EDA: variants seen among roughly 807,000 people sequenced by gnomAD.
The protein encoded by EDA is ectodysplasin-A.
EDA carries 2 observed loss-of-function variants against 23.6 expected under a neutral mutation model. The ratio of observed to expected loss-of-function variants is 0.08; its 90% CI spans 0.03 to 0.27. The LOEUF (loss-of-function observed/expected upper bound fraction) is 0.27. Among genes scored for constraint, EDA ranks in the 10% least tolerant of loss-of-function variants. The pLI is 1.00. For synonymous variants in EDA, 131 were observed against 132.0 expected, an observed-to-expected ratio of 0.99 and a Z score of 0.05; for missense variants, 229 against 324.2, an observed-to-expected ratio of 0.71 and a Z score of 2.26.
At chrX:69,956,312 TC>T (rs1437333278) in intron 1 of EDA, among the ~76,000 whole-genome samples, 2 of 55,339 alleles carry the variant, frequency 3.6e-5, no homozygotes, top group Non-Finnish European at 8.5e-5. Context: ...TCTTTCTTTC[TC>T]TTTCTCTTTC....
chrX:70,007,674 GA>G (rs1176882609), intron 2 of EDA, among the ~76,000 whole-genome samples: 1 of 111,185 alleles, frequency 9.0e-6, no homozygotes, highest in African/African-American at 3.3e-5. Context: ...GATTGCTATA[GA>G]CAAAGTTGGG....
At chrX:69,619,667 A>G (rs1932103727) in intron 1 of EDA, among the ~76,000 whole-genome samples, 1 of 111,816 alleles carries the variant, frequency 8.9e-6, no homozygotes, top group Non-Finnish European at 1.9e-5. Flanking sequence ...ATTTGTCTGG[A>G]TAGTTGGTGG....
chrX:69,953,614 C>G (rs1294694969), intron 1 of EDA, among the ~76,000 whole-genome samples: 4 of 111,543 alleles, frequency 3.6e-5, no homozygotes, highest in Non-Finnish European at 7.5e-5. Flanking sequence ...TTTATAATAG[C>G]CCCAAACTAG....
At chrX:70,009,796 A>T (rs1272897848) in intron 2 of EDA, among the ~76,000 whole-genome samples, 2 of 111,473 alleles carry the variant, frequency 1.8e-5, no homozygotes, top group Non-Finnish European at 3.8e-5. Context: ...CAGGTTGGCC[A>T]GGCTGGTCTC....
intron 1 of EDA, among the ~76,000 whole-genome samples, chrX:69,861,634 A>G (rs1401193233): frequency 8.9e-6 from 1 of 112,086 alleles, no homozygotes; most frequent in East Asian, 2.8e-4. Context: ...TATGCTCTCT[A>G]TAAGACACTC....
At chrX:69,964,755 G>T (rs1360594682) in intron 2 of EDA, among the ~76,000 whole-genome samples, 1 of 111,371 alleles carries the variant, frequency 9.0e-6, no homozygotes, top group East Asian at 2.8e-4. Flanking sequence ...ATCACAGGCA[G>T]ATATAGATGT....
chrX:69,812,942 G>T (rs920294281), intron 1 of EDA, among the ~76,000 whole-genome samples: 2 of 111,257 alleles, frequency 1.8e-5, no homozygotes, highest in Non-Finnish European at 3.8e-5. Context: ...GTTTTTGATG[G>T]TCATATTCTC....
Position 69,801,529 on chromosome X carries a change from T to G in EDA, c.397-155498T>G, listed in dbSNP as rs1201213324. Reference sequence around the variant, plus strand: ...ATAAGAAGTTTATAAATTTGACACATTAAAATTATAAATTTCTGTTCATCA... The same window carrying G: ...ATAAGAAGTTTATAAATTTGACACAGTAAAATTATAAATTTCTGTTCATCA... On this transcript the variant is annotated intron_variant, in intron 1 of 7. Transcript: ENST00000374552. 5.4e-5 allele frequency among the ~76,000 whole-genome samples: 6 copies of G among 111,333 alleles called. No individual in the cohort carries two copies. In the East Asian group the frequency reaches 1.7e-3, roughly 31 times the overall value.
At chrX:69,860,057 T>C (rs1440031664) in intron 1 of EDA, among the ~76,000 whole-genome samples, 1 of 110,963 alleles carries the variant, frequency 9.0e-6, no homozygotes, top group African/African-American at 3.3e-5. Context: ...ACAACTGTTG[T>C]TTTCTGTTTT....
intron 7 of EDA, among the ~76,000 whole-genome samples, chrX:70,034,497 G>A (rs1229169559): frequency 5.4e-5 from 6 of 111,822 alleles, no homozygotes; most frequent in Non-Finnish European, 9.4e-5. Flanking sequence ...GCATAACCCT[G>A]ATGTCCTGTG....
At chrX:69,715,064 AT>A (rs60745776) in intron 1 of EDA, among the ~76,000 whole-genome samples, 36,022 of 79,687 alleles carry the variant, frequency 0.45, 6,194 homozygotes, top group East Asian at 0.82. Flanking sequence ...CTTTCAACCC[AT>A]TTTTTTTTTT....
intron 1 of EDA, among the ~76,000 whole-genome samples, chrX:69,874,838 A>G (rs927948575): frequency 8.9e-6 from 1 of 112,221 alleles, no homozygotes; most frequent in African/African-American, 3.2e-5. Flanking sequence ...GCTATACACC[A>G]ACAGCAGCCA....
chrX:69,827,247 G>C (rs2016468378), intron 1 of EDA, among the ~76,000 whole-genome samples: 1 of 111,974 alleles, frequency 8.9e-6, no homozygotes, highest in Non-Finnish European at 1.9e-5. Context: ...ATGTTGGCCT[G>C]CCTTGCTAGA....
intron 1 of EDA, among the ~76,000 whole-genome samples, chrX:69,886,004 C>T (rs1042264861): frequency 8.9e-6 from 1 of 112,039 alleles, no homozygotes; most frequent in Admixed American, 9.5e-5. Flanking sequence ...CAGAGGGAGA[C>T]ACACTTAGGT....
chrX:69,910,923 T>A (rs62605793), intron 1 of EDA, among the ~76,000 whole-genome samples: 22,636 of 111,205 alleles, frequency 0.2, 1,754 homozygotes, highest in African/African-American at 0.24. Flanking sequence ...TCAGAGTTGG[T>A]CTCTGTTAGA....
intron 1 of EDA, among the ~76,000 whole-genome samples, chrX:69,891,450 G>C (rs1949617952): frequency 9.0e-6 from 1 of 111,693 alleles, no homozygotes; most frequent in Non-Finnish European, 1.9e-5. Flanking sequence ...CTACTATAAA[G>C]ACACATGCAT....
chrX:69,826,797 A>T (rs758215210), intron 1 of EDA, among the ~76,000 whole-genome samples: 174 of 110,056 alleles, frequency 1.6e-3, no homozygotes, highest in Non-Finnish European at 2.9e-3. Context: ...CCTAGTCTCG[A>T]TGGTCTTTAC....
intron 2 of EDA, among the ~76,000 whole-genome samples, chrX:70,002,327 G>GA (rs1230248863): frequency 5.8e-4 from 59 of 101,226 alleles, no homozygotes; most frequent in East Asian, 1.8e-3. Context: ...ATTTCATAAT[G>GA]AAAAAAAAAA....
intron 1 of EDA, among the ~76,000 whole-genome samples, chrX:69,752,536 C>A (rs112480387): frequency 1.8e-5 from 2 of 111,515 alleles, no homozygotes; most frequent in Admixed American, 1.9e-4. Flanking sequence ...GTCTAAAATT[C>A]TCTTTCTTTG....
Sources: allele counts gnomAD v4.1 joint callset (sites outside exome capture counted in the v4.1 genomes callset), GRCh38; gene constraint gnomAD v4.1.1; transcripts MANE v1.5; gene names NCBI Gene and HGNC (gene_info 2026-07-23, HGNC 2026-07-21).